The following ROBO1 variants were observed in gnomAD, a reference collection of about 807,000 sequenced individuals.
ROBO1 encodes roundabout homolog 1.
ROBO1 carries 149 observed loss-of-function variants against 195.9 expected under a neutral mutation model. The observed-to-expected ratio is 0.76, with a 90% confidence interval of 0.67 to 0.87. ROBO1 has a LOEUF of 0.87. Ranked by LOEUF, ROBO1 falls within the 40% of genes least tolerant of loss-of-function variation. ROBO1 has a pLI of 0.00. For missense variants in ROBO1, 1,933 were observed against 2,068.3 expected (o/e 0.93, Z 1.27); for synonymous variants, 816 against 733.2 (o/e 1.11, Z -1.82).
chr3:79,433,327 G>T (rs1291035677), intron 2 of ROBO1, among the ~76,000 whole-genome samples: 1 of 152,132 alleles, frequency 6.6e-6, no homozygotes, highest in East Asian at 1.9e-4. Flanking sequence ...ATGGCATCCA[G>T]CTCCATCTAT....
intron 5 of ROBO1, among the ~76,000 whole-genome samples, chr3:78,742,216 A>G (rs1213501949): frequency 6.6e-6 from 1 of 152,134 alleles, no homozygotes; most frequent in Admixed American, 6.5e-5. Flanking sequence ...GCAATCTTCA[A>G]TTGTCTTTCA....
At chr3:79,029,794 T>C (rs1335359763) in intron 3 of ROBO1, among the ~76,000 whole-genome samples, 1 of 152,186 alleles carries the variant, frequency 6.6e-6, no homozygotes, top group Non-Finnish European at 1.5e-5. Context: ...CAGCCTTTCT[T>C]TACATATCAG....
intron 2 of ROBO1, among the ~76,000 whole-genome samples, chr3:79,243,103 G>A (rs976594875): frequency 2.5e-4 from 37 of 150,996 alleles, no homozygotes; most frequent in African/African-American, 7.5e-4. Flanking sequence ...TTGTCCTTGC[G>A]ATAGTTTGCT....
At chr3:79,063,671 T>C (rs933850112) in intron 3 of ROBO1, among the ~76,000 whole-genome samples, 10 of 151,902 alleles carry the variant, frequency 6.6e-5, no homozygotes, top group African/African-American at 1.9e-4. Context: ...AGACACCCAA[T>C]GGTGTCCTAG....
At chr3:79,486,856 G>A (rs959447033) in intron 2 of ROBO1, among the ~76,000 whole-genome samples, 3 of 152,106 alleles carry the variant, frequency 2.0e-5, no homozygotes, top group African/African-American at 4.8e-5. Context: ...AAAATTTACA[G>A]AGCTATCCCT....
rs148468697 is a variant in ROBO1, at chr3:79,670,376, G to A, written c.-50-80415C>T. 3.8e-4 allele frequency among the ~76,000 whole-genome samples: 57 copies of A among 151,110 alleles called. No homozygotes were observed. The East Asian group carries it at 8.0e-3, about 21-fold the overall frequency. On this transcript the variant is annotated intron_variant, in intron 1 of 30. Coordinates refer to ENST00000464233, the MANE Select transcript of ROBO1 (RefSeq NM_002941.4). The stretch of plus-strand genomic sequence containing the variant: ...TTAATGGTCTTTTATATGAAATTGC[G>A]CAACAGCATCTTAAGCAAAAAATTC...
In ROBO1 at chr3:79,481,330, CTA is replaced by C. The variant is rs201726879; in HGVS notation, c.88+108492_88+108493del. On this transcript the variant is annotated intron_variant, in intron 2 of 30. Transcript: ENST00000464233. ...CACAATTTTATCTACTTTTTGTAAA[CTA>C]TGTGATTTCTTGCACCAGCTAATTA... Among the ~76,000 whole-genome samples, 104 of 152,132 alleles carry C rather than the reference CTA, an allele frequency of 6.8e-4. No homozygotes were observed. The East Asian group carries it at 0.014, about 21-fold the overall frequency.
intron 1 of ROBO1, among the ~76,000 whole-genome samples, chr3:79,746,158 G>T (rs983664682): frequency 6.6e-6 from 1 of 151,986 alleles, no homozygotes; most frequent in Non-Finnish European, 1.5e-5. Flanking sequence ...TAGTTCTAGG[G>T]AAAGTTTTCA....
intron 3 of ROBO1, among the ~76,000 whole-genome samples, chr3:78,987,017 G>A (rs957357765): frequency 9.2e-5 from 14 of 151,696 alleles, no homozygotes; most frequent in African/African-American, 3.1e-4. Context: ...CTTTTCACTA[G>A]TGAGTAAAAA....
chr3:79,622,356 A>G (rs1264899681), intron 1 of ROBO1, among the ~76,000 whole-genome samples: 1 of 152,154 alleles, frequency 6.6e-6, no homozygotes, highest in East Asian at 1.9e-4. Context: ...GTGGTTGCCT[A>G]CTGTCTAAGC....
At chr3:79,762,609 AACAC>A (rs60977072) in intron 1 of ROBO1, among the ~76,000 whole-genome samples, 1 of 146,714 alleles carries the variant, frequency 6.8e-6, no homozygotes. Context: ...ATTCTGGACA[AACAC>A]ACACACACAC....
At chr3:79,647,944 A>G (rs924470643) in intron 1 of ROBO1, among the ~76,000 whole-genome samples, 1 of 152,122 alleles carries the variant, frequency 6.6e-6, no homozygotes, top group Non-Finnish European at 1.5e-5. Flanking sequence ...AATGTCTCAC[A>G]TTAGAATTTT....
At chr3:79,274,127 G>T (rs1300445027) in intron 2 of ROBO1, among the ~76,000 whole-genome samples, 2 of 151,922 alleles carry the variant, frequency 1.3e-5, no homozygotes, top group Non-Finnish European at 2.9e-5. Flanking sequence ...TGGCAACAAA[G>T]AAATATCAGA....
intron 3 of ROBO1, among the ~76,000 whole-genome samples, chr3:79,107,648 T>G (rs546006341): frequency 5.3e-5 from 8 of 151,820 alleles, no homozygotes; most frequent in African/African-American, 1.9e-4. Context: ...TATGCTTTTC[T>G]TTATTTTCTA....
At chr3:79,018,558 T>A in intron 3 of ROBO1, 1 of 1,550,646 alleles carries the variant, frequency 6.4e-7, no homozygotes, top group Non-Finnish European at 8.8e-7. Context: ...ACACAAAGGC[T>A]TAATATAAGC....
chr3:79,747,483 G>A (rs1355859684), intron 1 of ROBO1, among the ~76,000 whole-genome samples: 1 of 152,016 alleles, frequency 6.6e-6, no homozygotes, highest in African/African-American at 2.4e-5. Context: ...TTTAATGGAA[G>A]AAGAAATTGG....
chr3:79,433,199 C>T (rs2038749958), intron 2 of ROBO1, among the ~76,000 whole-genome samples: 1 of 151,956 alleles, frequency 6.6e-6, no homozygotes, highest in African/African-American at 2.4e-5. Context: ...TCTGACAGGC[C>T]TCAGTGTGTG....
At chr3:79,148,256 G>A (rs2080694305) in intron 2 of ROBO1, among the ~76,000 whole-genome samples, 1 of 151,714 alleles carries the variant, frequency 6.6e-6, no homozygotes, top group African/African-American at 2.4e-5. Flanking sequence ...GCACCACGAT[G>A]GTAAACGGGA....
intron 1 of ROBO1, among the ~76,000 whole-genome samples, chr3:79,634,868 A>G (rs2108041774): frequency 6.6e-6 from 1 of 152,268 alleles, no homozygotes; most frequent in East Asian, 1.9e-4. Context: ...AGCGAATAGG[A>G]ACATCAAAAT....
Sources: allele counts gnomAD v4.1 joint callset (sites outside exome capture counted in the v4.1 genomes callset), GRCh38; gene constraint gnomAD v4.1.1; transcripts MANE v1.5; gene names NCBI Gene and HGNC (gene_info 2026-07-23, HGNC 2026-07-21).